The following GALNT6 variants were observed in gnomAD, a reference collection of about 807,000 sequenced individuals.
GALNT6 encodes polypeptide N-acetylgalactosaminyltransferase 6, also known as GalNAc transferase 6.
In GALNT6, 51 loss-of-function variants were observed where a neutral mutation model predicts 65.9. The ratio of observed to expected loss-of-function variants is 0.77; its 90% CI spans 0.62 to 0.98. The LOEUF (loss-of-function observed/expected upper bound fraction) is 0.98. Ranked by LOEUF, GALNT6 falls within the 50% of genes least tolerant of loss-of-function variation. GALNT6 has a pLI of 0.00. For missense variants in GALNT6, 708 were observed against 803.3 expected (o/e 0.88, Z 1.43); for synonymous variants, 323 against 315.1 (o/e 1.02, Z -0.26).
intron 4 of GALNT6, among the ~76,000 whole-genome samples, chr12:51,366,683 G>A (rs537137267): frequency 3.3e-5 from 5 of 152,246 alleles, no homozygotes; most frequent in Non-Finnish European, 2.9e-5. Flanking sequence ...TGGGGTGTGG[G>A]TCCCAAAGAA....
chr12:51,357,498 G>A, intron 9 of GALNT6, 48 bp from the exon 10 acceptor site: 1 of 1,405,832 alleles, frequency 7.1e-7, no homozygotes, highest in Non-Finnish European at 1.0e-6. Flanking sequence ...ACAGTCAGGA[G>A]GTTCCTCATG....
chr12:51,377,051 T>C, intron 4 of GALNT6, 144 bp downstream of exon 4: 1 of 673,740 alleles, frequency 1.5e-6, no homozygotes, highest in Non-Finnish European at 2.6e-6. Flanking sequence ...CCTGACTTCT[T>C]CCTGCTCCTG....
intron 4 of GALNT6, among the ~76,000 whole-genome samples, chr12:51,368,127 AC>A (rs902332963): frequency 9.3e-5 from 14 of 151,128 alleles, no homozygotes; most frequent in African/African-American, 3.2e-4. Context: ...GAGGCCACGG[AC>A]TTTTTTTTTT....
intron 4 of GALNT6, among the ~76,000 whole-genome samples, chr12:51,376,712 T>C (rs541960091): frequency 1.3e-5 from 2 of 151,490 alleles, no homozygotes; most frequent in East Asian, 3.9e-4. Flanking sequence ...TCCTTTGTCA[T>C]GGCATCCCCT....
Position 51,358,246 on chromosome 12 carries a change from T to C in GALNT6, c.1384A>G (p.Ile462Val). The C allele has an allele frequency of 1.9e-6, 3 of 1,613,578 alleles. No homozygotes were observed. Among genetic ancestry groups the C allele is most frequent in the Non-Finnish European group, 2.5e-6 (3 of 1,179,910 alleles). Residue 462 changes from isoleucine (I) to valine (V), a missense_variant, in exon 9 of 12, where the codon ATT becomes GTT. By Grantham distance (29) the Ile-to-Val change is conservative. Coordinates refer to ENST00000356317, the MANE Select transcript of GALNT6 (RefSeq NM_007210.4). ...KMAQEKSFGDISERLQLREQL... is the reference protein window; with the variant it reads ...KMAQEKSFGDVSERLQLREQL... ...TCCCTCAGCTGCAGTCGTTCCGAAA[T>C]GTCACCGAAGGATTTCTGTCAATCA...
rs1343178005 is a variant in GALNT6, at chr12:51,351,667, G to C, written c.*2712C>G. 6.6e-6 allele frequency: 1 copy of C among 152,226 alleles called. No homozygotes were observed. The highest frequency in any genetic ancestry group is 1.5e-5 in the Non-Finnish European group (1 of 68,044). The allele number at this position is 152,226 out of a possible 1,614,324, so 9.4% of individuals were successfully genotyped here. On this transcript the variant is annotated 3_prime_UTR_variant, in exon 12 of 12. Transcript: ENST00000356317. ...TATGATTTGCTTACATTTAGCGTGT[G>C]AGTTCCACGGGGACAGGACCTCGTT...
At chr12:51,373,017 C>A (rs756853010) in intron 4 of GALNT6, among the ~76,000 whole-genome samples, 10 of 152,308 alleles carry the variant, frequency 6.6e-5, no homozygotes, top group Non-Finnish European at 1.2e-4. Context: ...TGTATTTACG[C>A]AATGCCTATA....
intron 3 of GALNT6, 35 bp from the exon 4 acceptor site, chr12:51,377,402 G>C (rs371746173): frequency 6.0e-5 from 96 of 1,597,132 alleles, no homozygotes; most frequent in Non-Finnish European, 8.0e-5. Flanking sequence ...AGTTCTCCTG[G>C]TCCCTGGGAG....
Position 51,387,098 on chromosome 12 carries a change from C to T in GALNT6, c.-104+3752G>A, listed in dbSNP as rs80047920. On this transcript the variant is annotated intron_variant, in intron 2 of 11. Coordinates refer to ENST00000356317, the MANE Select transcript of GALNT6 (RefSeq NM_007210.4). The surrounding 1 kb of genome is among the most constrained non-coding windows in gnomAD (Gnocchi z 4.2). ...CATATCAAGGTTCATTTTATGTTTG[C>T]ATAATTTTTTTTTTTTTGAGATGGA... Among the ~76,000 whole-genome samples the T allele has an allele frequency of 8.5e-3, 1,289 of 152,032 alleles. 11 individuals carry two copies. The highest frequency in any genetic ancestry group is 0.012 in the Non-Finnish European group (829 of 67,970).
intron 4 of GALNT6, among the ~76,000 whole-genome samples, chr12:51,375,198 A>G (rs1414400987): frequency 6.6e-6 from 1 of 152,056 alleles, no homozygotes; most frequent in African/African-American, 2.4e-5. Flanking sequence ...TTTAAGTCTC[A>G]TTTCCTAAAC....
At position 51,377,325 on chromosome 12, in the gene GALNT6, G is replaced by C. The variant is rs777446267; in HGVS notation, c.534C>G (p.Thr178=). Residue 178 remains threonine, a synonymous_variant, in exon 4 of 12, where the codon ACC becomes ACG. Transcript: ENST00000356317. ...QKFRRCPPLA[T]TSVIIVFHNE... ...TGTGGAACACAATGATCACGCTGGT[G>C]GTGGCCAGTGGGGGGCAGCGCCGGA... The C allele has an allele frequency of 1.3e-5, 21 of 1,612,796 alleles. No homozygotes were observed. Among genetic ancestry groups the C allele is most frequent in the African/African-American group, 6.7e-5 (5 of 74,888 alleles).
Position 51,357,332 on chromosome 12 carries a change from A to T in GALNT6, c.1602+17T>A. The T allele has an allele frequency of 6.6e-7, 1 of 1,515,902 alleles. No individual in the cohort carries two copies. 93.9% of individuals were successfully genotyped at this position (1,515,902 alleles called of 1,614,324 possible). A position where few individuals can be genotyped will look rare whatever the true frequency, so the allele number is the denominator to read the frequency against. ...GGTGAGGAGAGGAGATGCTCCGGAG[A>T]TGGGTGGGCTGCATACCTGGTTGCC... On this transcript the variant is annotated intron_variant, in intron 10 of 11. Coordinates refer to ENST00000356317, the MANE Select transcript of GALNT6 (RefSeq NM_007210.4).
intron 5 of GALNT6, among the ~76,000 whole-genome samples, chr12:51,365,080 C>T (rs974329546): frequency 6.6e-6 from 1 of 152,134 alleles, no homozygotes; most frequent in Non-Finnish European, 1.5e-5. Context: ...TAGAAGAAAG[C>T]CCCAAACAAG....
At chr12:51,362,586 G>T (rs1946957756) in intron 6 of GALNT6, among the ~76,000 whole-genome samples, 1 of 151,222 alleles carries the variant, frequency 6.6e-6, no homozygotes, top group African/African-American at 2.4e-5. Context: ...ATGGGTGGGG[G>T]CCAGGTGCCC....
Position 51,354,226 on chromosome 12 carries a change from T to C in GALNT6, c.*153A>G. On this transcript the variant is annotated 3_prime_UTR_variant, in exon 12 of 12. Coordinates refer to ENST00000356317, the MANE Select transcript of GALNT6 (RefSeq NM_007210.4). The stretch of plus-strand genomic sequence containing the variant: ...AGGAAAGAAAATGGGCCCAATGTTG[T>C]TGCAAGGATTAGGAAGGTCCTGCCT... The C allele has an allele frequency of 7.4e-6, 4 of 540,004 alleles. No homozygotes were observed. The highest frequency in any genetic ancestry group is 1.3e-5 in the Non-Finnish European group (4 of 307,738). The allele number at this position is 540,004 out of a possible 1,614,324, so 33.5% of individuals were successfully genotyped here.
In GALNT6 at chr12:51,365,497, C is replaced by G. The variant is rs1335584929; in HGVS notation, c.747G>C (p.Leu249=). Residue 249 remains leucine, a synonymous_variant, in exon 5 of 12, where the codon CTG becomes CTC. Transcript: ENST00000356317. ...TGGCCCCCAGCAGCCGGGCGGTGATCAGCCCCTTCCGCTCCTCCTGCCGCA... is the reference window on the plus strand; with the variant it reads ...TGGCCCCCAGCAGCCGGGCGGTGATGAGCCCCTTCCGCTCCTCCTGCCGCA... ...RVVRQEERKG[L]ITARLLGASV... 4.3e-6 allele frequency: 7 copies of G among 1,612,476 alleles called. No individual in the cohort carries two copies. Among genetic ancestry groups the G allele is most frequent in the Non-Finnish European group, 5.9e-6 (7 of 1,179,998 alleles).
rs1225723435 is a variant in GALNT6 at position 51,351,848 on chromosome 12, AG to A, written c.*2530del. The stretch of plus-strand genomic sequence containing the variant: ...AACTGATTCAGCTAAGGGACAACAC[AG>A]GTAAGAGAACACAACGCGAGTTTCC... On this transcript the variant is annotated 3_prime_UTR_variant, in exon 12 of 12. Transcript: ENST00000356317. 2.6e-5 allele frequency: 4 copies of A among 152,182 alleles called. No individual in the cohort carries two copies. Among genetic ancestry groups the A allele is most frequent in the Non-Finnish European group, 5.9e-5 (4 of 68,024 alleles). The allele number at this position is 152,182 out of a possible 1,614,324, so 9.4% of individuals were successfully genotyped here.
At chr12:51,378,750 C>T (rs997416046) in intron 3 of GALNT6, among the ~76,000 whole-genome samples, 5 of 152,146 alleles carry the variant, frequency 3.3e-5, no homozygotes, top group Admixed American at 6.5e-5. Context: ...AGTGAGATCT[C>T]ATTGTGCAAG....
chr12:51,384,880 G>C (rs1947782450), intron 2 of GALNT6, among the ~76,000 whole-genome samples: 1 of 152,098 alleles, frequency 6.6e-6, no homozygotes, highest in East Asian at 1.9e-4. Flanking sequence ...GCGAGACCCT[G>C]TCTCAAAAAA....
Sources: gnomAD v4.1 joint callset for allele counts (sites outside exome capture counted in the v4.1 genomes callset) on GRCh38, gnomAD v4.1.1 for gene constraint, Gnocchi (gnomAD v3.1) non-coding constraint, MANE v1.5 for transcripts, NCBI Gene and HGNC (gene_info 2026-07-23, HGNC 2026-07-21) for gene names.